Variants in SLC25A42 observed in about 807,000 individuals in gnomAD.
SLC25A42 encodes mitochondrial coenzyme A transporter SLC25A42.
In SLC25A42, 19 loss-of-function variants were observed where a neutral mutation model predicts 34.7. The observed-to-expected ratio is 0.55, with a 90% CI of 0.38 to 0.80. The LOEUF is 0.80. SLC25A42 is among the 30% of genes least tolerant of loss of function. SLC25A42 has a pLI of 0.00. For synonymous variants in SLC25A42, 205 were observed against 191.2 expected, an observed-to-expected ratio of 1.07 and a Z score of -0.59; for missense variants, 364 against 441.3, an observed-to-expected ratio of 0.82 and a Z score of 1.57.
intron 1 of SLC25A42, 58 bp downstream of exon 1, chr19:19,064,173 AC>A (rs1453333516): frequency 6.6e-6 from 1 of 152,518 alleles, no homozygotes. Flanking sequence ...GCGGGGCATG[AC>A]AGTAGCGTCG....
intron 4 of SLC25A42, chr19:19,105,143 C>T (rs2059819061): frequency 4.8e-6 from 3 of 620,122 alleles, no homozygotes; most frequent in Non-Finnish European, 8.5e-6. Context: ...GGTGGGGAGA[C>T]TCAACAGCTC....
chr19:19,070,635 T>G (rs2059625342), intron 1 of SLC25A42, among the ~76,000 whole-genome samples: 1 of 152,156 alleles, frequency 6.6e-6, no homozygotes, highest in Non-Finnish European at 1.5e-5. Context: ...GGTTTAGGGC[T>G]CACCCTAAAT....
At chr19:19,067,021 C>CAAAA (rs11419955) in intron 1 of SLC25A42, among the ~76,000 whole-genome samples, 1 of 115,706 alleles carries the variant, frequency 8.6e-6, no homozygotes, top group South Asian at 2.9e-4. Flanking sequence ...GACCCTGTCT[C>CAAAA]AAAAAAAAAA....
At chr19:19,101,957 C>T (rs1402657474) in intron 3 of SLC25A42, 71 bp downstream of exon 3, 1 of 955,496 alleles carries the variant, frequency 1.0e-6, no homozygotes, top group East Asian at 2.7e-5. Flanking sequence ...GGCCCCCAAA[C>T]CACGCTTCAA....
chr19:19,084,145 C>T (rs1362138922), intron 1 of SLC25A42, among the ~76,000 whole-genome samples: 1 of 152,198 alleles, frequency 6.6e-6, no homozygotes, highest in Non-Finnish European at 1.5e-5. Context: ...CATGCCTGGA[C>T]CCTGTACATA....
At chr19:19,064,453 GCCCCCACTCACGAACACCC>G (rs1324799212) in intron 1 of SLC25A42, among the ~76,000 whole-genome samples, 1 of 30,132 alleles carries the variant, frequency 3.3e-5, no homozygotes, top group Non-Finnish European at 6.9e-5. Flanking sequence ...ACGAACACCC[GCCCCCACTCACGAACACCC>G]CCCACATCAC....
chr19:19,096,254 T>TCGCCCCCCCCCCCCCCC, intron 2 of SLC25A42, 49 bp downstream of exon 2: 2 of 1,456,750 alleles, frequency 1.4e-6, no homozygotes, highest in East Asian at 4.7e-5. Flanking sequence ...GGCCCCAGCC[T>TCGCCCCCCCCCCCCCCC]CCCCACCCCC....
intron 1 of SLC25A42, among the ~76,000 whole-genome samples, chr19:19,078,847 C>T (rs1196696840): frequency 6.6e-6 from 1 of 151,826 alleles, no homozygotes; most frequent in Non-Finnish European, 1.5e-5. Flanking sequence ...TTGAAAGTTA[C>T]CATTGTGAGC....
At chr19:19,110,355 T>A (rs183225048) in intron 7 of SLC25A42, among the ~76,000 whole-genome samples, 3,562 of 151,628 alleles carry the variant, frequency 0.023, 134 homozygotes, top group African/African-American at 0.082. Context: ...AAAAAAAAAA[T>A]TTTTTTTATT....
intron 1 of SLC25A42, among the ~76,000 whole-genome samples, chr19:19,082,123 T>G (rs1249937634): frequency 6.6e-6 from 1 of 152,168 alleles, no homozygotes; most frequent in Non-Finnish European, 1.5e-5. Context: ...CTGTGTCCAC[T>G]TCCTTTTGCC....
chr19:19,065,058 C>T (rs2059594212), intron 1 of SLC25A42, among the ~76,000 whole-genome samples: 1 of 152,206 alleles, frequency 6.6e-6, no homozygotes, highest in Admixed American at 6.5e-5. Flanking sequence ...TGTGGACCCA[C>T]CGCGTTTGGG....
At chr19:19,107,388 T>G (rs2059837474) in intron 6 of SLC25A42, among the ~76,000 whole-genome samples, 1 of 151,546 alleles carries the variant, frequency 6.6e-6, no homozygotes, top group South Asian at 2.1e-4. Flanking sequence ...ATTCCAGCAC[T>G]TTGAGAGGCT....
chr19:19,105,683 G>T lies in SLC25A42; in HGVS notation c.336G>T (p.Glu112Asp), dbSNP rs764158605. The change falls in exon 5 of 8, where the codon GAG (glutamate) becomes GAT (aspartate). Residue 112 changes from glutamate to aspartate, a missense_variant. Glu to Asp is a conservative substitution (Grantham distance 45, BLOSUM62 2). Transcript: ENST00000318596. Reference protein sequence around the residue: ...PYAAIQFSAHEEYKRILGSYY... With the variant: ...PYAAIQFSAHDEYKRILGSYY... ...CCGCCATCCAGTTCAGCGCACACGAGGAGTACAAGCGCATCCTGGGCAGCT... is the reference window on the plus strand; with the variant it reads ...CCGCCATCCAGTTCAGCGCACACGATGAGTACAAGCGCATCCTGGGCAGCT... The T allele has an allele frequency of 6.2e-7, 1 of 1,612,310 alleles. No homozygotes were observed. Among genetic ancestry groups the T allele is most frequent in the Non-Finnish European group, 8.5e-7 (1 of 1,179,200 alleles).
intron 3 of SLC25A42, among the ~76,000 whole-genome samples, chr19:19,102,685 A>C (rs1255066034): frequency 1.3e-5 from 2 of 152,062 alleles, no homozygotes; most frequent in Non-Finnish European, 2.9e-5. Context: ...CGGAGGTTGC[A>C]GTCAGCCAAG....
At chr19:19,068,478 C>A (rs918939202) in intron 1 of SLC25A42, among the ~76,000 whole-genome samples, 2 of 152,058 alleles carry the variant, frequency 1.3e-5, no homozygotes, top group Admixed American at 6.5e-5. Flanking sequence ...ACCAGCCTAG[C>A]CAACATGGTG....
intron 1 of SLC25A42, among the ~76,000 whole-genome samples, chr19:19,083,367 TAA>T (rs2059690662): frequency 6.6e-6 from 1 of 152,250 alleles, no homozygotes; most frequent in Non-Finnish European, 1.5e-5. Flanking sequence ...TTTTGTCATG[TAA>T]GATCACATAT....
At chr19:19,080,756 C>A (rs144725869) in intron 1 of SLC25A42, among the ~76,000 whole-genome samples, 2 of 151,668 alleles carry the variant, frequency 1.3e-5, no homozygotes, top group Non-Finnish European at 2.9e-5. Context: ...CCCGTCTCTA[C>A]GAAAAACACA....
At chr19:19,079,137 C>A (rs911438773) in intron 1 of SLC25A42, among the ~76,000 whole-genome samples, 9 of 152,018 alleles carry the variant, frequency 5.9e-5, no homozygotes, top group Non-Finnish European at 1.2e-4. Context: ...CTCACTGCAA[C>A]CTCCACCTCC....
intron 1 of SLC25A42, among the ~76,000 whole-genome samples, chr19:19,091,350 C>T (rs758283938): frequency 8.6e-5 from 13 of 151,954 alleles, no homozygotes; most frequent in African/African-American, 1.2e-4. Flanking sequence ...CCCAGCTAAT[C>T]GGGAGGTTGA....
Sources: gnomAD v4.1 joint callset for allele counts (sites outside exome capture counted in the v4.1 genomes callset) on GRCh38, gnomAD v4.1.1 for gene constraint, MANE v1.5 for transcripts, NCBI Gene and HGNC (gene_info 2026-07-23, HGNC 2026-07-21) for gene names.